BPTF: variants seen among roughly 807,000 people sequenced by gnomAD.
BPTF encodes the protein bromodomain PHD finger transcription factor.
In BPTF, 18 loss-of-function variants were observed where a neutral mutation model predicts 292.5. The observed-to-expected ratio is 0.06, with a 90% CI of 0.04 to 0.09. The LOEUF (loss-of-function observed/expected upper bound fraction) is 0.09, where lower values mean the gene tolerates loss of function less well. BPTF is among the 10% of genes least tolerant of loss of function. The probability of loss-of-function intolerance (pLI) is 1.00; values close to 1 mark genes in which losing one functional copy is unlikely to be tolerated. For synonymous variants in BPTF, 1,225 were observed against 1,251.9 expected, an observed-to-expected ratio of 0.98 and a Z score of 0.45; for missense variants, 2,726 against 3,498.7, an observed-to-expected ratio of 0.78 and a Z score of 5.57.
At chr17:67,904,960 C>T (rs1465675758) in intron 9 of BPTF, 120 bp downstream of exon 9, 2 of 736,100 alleles carry the variant, frequency 2.7e-6, no homozygotes, top group Non-Finnish European at 2.1e-6. Flanking sequence ...ATTCGTACTG[C>T]AGAATTACTA....
Position 67,974,357 on chromosome 17 carries a change from C to A in BPTF, c.8540-1415C>A, listed in dbSNP as rs560594996. The A allele has an allele frequency of 2.0e-5, 3 of 152,154 alleles. No homozygotes were observed. In the East Asian group the frequency reaches 5.8e-4, roughly 29 times the overall value. 9.4% of individuals were successfully genotyped at this position (152,154 alleles called of 1,614,324 possible). A position where few individuals can be genotyped will look rare whatever the true frequency, so the allele number is the denominator to read the frequency against. On this transcript the variant is annotated intron_variant, in intron 26 of 27. Coordinates refer to ENST00000306378, the MANE Select transcript of BPTF (RefSeq NM_182641.4). ...GTCAACGTGGGAGAATTCTGTTTGG[C>A]GGCCTCTGGTCAGCAAGAAGTGGGT...
At chr17:67,923,771 C>T (rs759750201) in intron 14 of BPTF, among the ~76,000 whole-genome samples, 8 of 151,882 alleles carry the variant, frequency 5.3e-5, no homozygotes, top group Non-Finnish European at 8.8e-5. Context: ...TGAGCCACCG[C>T]GCCCGGCCCT....
chr17:67,915,223 C>T (rs754777936), intron 11 of BPTF, among the ~76,000 whole-genome samples: 1 of 152,098 alleles, frequency 6.6e-6, no homozygotes, highest in Non-Finnish European at 1.5e-5. Context: ...CCCTTATGCC[C>T]ATCCTCCCAG....
chr17:67,856,653 G>C (rs2058709253), intron 2 of BPTF, among the ~76,000 whole-genome samples: 2 of 152,180 alleles, frequency 1.3e-5, no homozygotes, highest in Admixed American at 6.5e-5. Context: ...CTGTCCTCGA[G>C]AGTAAGCTCT....
chr17:67,836,460 A>G (rs12452511), intron 1 of BPTF, among the ~76,000 whole-genome samples: 31,065 of 152,174 alleles, frequency 0.2, 3,984 homozygotes, highest in East Asian at 0.66. Context: ...TCAGAAATGC[A>G]TGTATTAATC....
chr17:67,921,933 G>A (rs1479878903), intron 13 of BPTF, among the ~76,000 whole-genome samples: 2 of 152,094 alleles, frequency 1.3e-5, no homozygotes, highest in African/African-American at 2.4e-5. Context: ...TCGGGAGGCC[G>A]AGGCACGAGA....
intron 1 of BPTF, among the ~76,000 whole-genome samples, chr17:67,843,318 G>A (rs932751511): frequency 4.7e-5 from 7 of 150,148 alleles, no homozygotes; most frequent in African/African-American, 1.7e-4. Context: ...ATCTACATGA[G>A]ATTGAGTCTA....
intron 23 of BPTF, among the ~76,000 whole-genome samples, chr17:67,948,999 T>C (rs1004638210): frequency 6.6e-6 from 1 of 151,902 alleles, no homozygotes; most frequent in African/African-American, 2.4e-5. Flanking sequence ...AACAAACAAA[T>C]AAAAAATTTC....
chr17:67,977,519 G>GA (rs556143004), intron 27 of BPTF, among the ~76,000 whole-genome samples: 9,772 of 140,126 alleles, frequency 0.07, 443 homozygotes, highest in Middle Eastern at 0.096. Flanking sequence ...CATCTCAGAA[G>GA]AAAAAAAAAA....
Position 67,912,972 on chromosome 17 carries a change from A to T in BPTF, c.5088A>T (p.Pro1696=). 6.2e-7 allele frequency: 1 copy of T among 1,614,202 alleles called. No homozygotes were observed. Among genetic ancestry groups the T allele is most frequent in the Non-Finnish European group, 8.5e-7 (1 of 1,180,020 alleles). ...DKVKLMKFSR[P]KKTRSGTALP... ...TGAAACTGATGAAATTTTCAAGACC[A>T]AAGAAGACTCGTTCAGGTACAGCTC... Residue 1696 remains proline, a synonymous_variant, in exon 11 of 28, where the codon CCA becomes CCT. Coordinates refer to ENST00000306378, the MANE Select transcript of BPTF (RefSeq NM_182641.4).
chr17:67,920,428 G>A (rs904963379), intron 13 of BPTF, among the ~76,000 whole-genome samples: 8 of 152,182 alleles, frequency 5.3e-5, no homozygotes, highest in African/African-American at 1.9e-4. Context: ...CTCCTGGAGA[G>A]CAGCCATCTC....
Position 67,909,645 on chromosome 17 carries a change from A to G in BPTF, c.2876A>G (p.Lys959Arg). Residue 959 changes from lysine to arginine, a missense_variant, in exon 10 of 28, where the codon AAA becomes AGA. By Grantham distance (26) the Lys-to-Arg change is conservative. Transcript: ENST00000306378. ...AAAAGAAAATGTTCACGAAGTCCAAAAAAAATAAAAATAGAGCCTGATTCT... is the reference window on the plus strand; with the variant it reads ...AAAAGAAAATGTTCACGAAGTCCAAGAAAAATAAAAATAGAGCCTGATTCT... ...SDKRKCSRSP[K>R]KIKIEPDSEK... The G allele has an allele frequency of 6.2e-7, 1 of 1,600,342 alleles. No individual in the cohort carries two copies. The highest frequency in any genetic ancestry group is 1.4e-5 in the African/African-American group (1 of 74,010).
chr17:67,862,732 A>G (rs987520101), intron 2 of BPTF, among the ~76,000 whole-genome samples: 2 of 152,108 alleles, frequency 1.3e-5, no homozygotes, highest in Non-Finnish European at 2.9e-5. Context: ...ATTATTTAAC[A>G]GTTTTGGAGA....
At chr17:67,981,687 C>A in intron 27 of BPTF, 2 of 991,158 alleles carry the variant, frequency 2.0e-6, no homozygotes, top group Non-Finnish European at 2.4e-6. Flanking sequence ...ATATAAAGTC[C>A]TTTGACTTAG....
Position 67,905,167 on chromosome 17 carries a change from T to C in BPTF, c.2812+327T>C, listed in dbSNP as rs537790743. On this transcript the variant is annotated intron_variant, in intron 9 of 27. Coordinates refer to ENST00000306378, the MANE Select transcript of BPTF (RefSeq NM_182641.4). ...GTTCACGCCTGTAATCCCAGCACTGTGGGAGGCTGAGGCAGGTGGATTACT... is the reference window on the plus strand; with the variant it reads ...GTTCACGCCTGTAATCCCAGCACTGCGGGAGGCTGAGGCAGGTGGATTACT... Among the ~76,000 whole-genome samples the C allele has an allele frequency of 1.4e-4, 21 of 152,184 alleles. No individual in the cohort carries two copies. The South Asian group carries it at 4.2e-3, about 30-fold the overall frequency.
chr17:67,973,889 T>G (rs181608784), intron 26 of BPTF: 2 of 152,136 alleles, frequency 1.3e-5, no homozygotes, highest in East Asian at 3.9e-4. Flanking sequence ...TAGATACAGT[T>G]AAATCTGTTC....
rs150183831 is a variant in BPTF at position 67,967,798 on chromosome 17, G to A, written c.8539+1142G>A. ...CACGCCACTGCATTCCAGCCTGGAC[G>A]ACAGAGCGAGACTCTGTCAAAAAAA... is the stretch of plus-strand genomic sequence containing the variant. On this transcript the variant is annotated intron_variant, in intron 26 of 27. Transcript: ENST00000306378. 6.4e-4 allele frequency among the ~76,000 whole-genome samples: 93 copies of A among 144,574 alleles called. 2 individuals are homozygous for A. The East Asian group carries it at 0.015, about 23-fold the overall frequency. The allele number at this position is 144,574 out of a possible 152,430, so 94.8% of individuals were successfully genotyped here. A position where few individuals can be genotyped will look rare whatever the true frequency, so the allele number is the denominator to read the frequency against.
chr17:67,958,898 C>T (rs1328637378), intron 23 of BPTF, among the ~76,000 whole-genome samples: 1 of 152,110 alleles, frequency 6.6e-6, no homozygotes, highest in Non-Finnish European at 1.5e-5. Flanking sequence ...ACCCAGGAGA[C>T]ATAAGTTGCA....
At chr17:67,890,170 A>G (rs1296834897) in intron 4 of BPTF, among the ~76,000 whole-genome samples, 1 of 152,184 alleles carries the variant, frequency 6.6e-6, no homozygotes, top group Non-Finnish European at 1.5e-5. Context: ...ATTATTTAGA[A>G]TTTACTGGTT....
Sources: gnomAD v4.1 joint callset for allele counts (sites outside exome capture counted in the v4.1 genomes callset) on GRCh38, gnomAD v4.1.1 for gene constraint, MANE v1.5 for transcripts, NCBI Gene and HGNC (gene_info 2026-07-23, HGNC 2026-07-21) for gene names.